DPP6: variants seen among roughly 807,000 people sequenced by gnomAD.
DPP6 encodes the protein dipeptidyl peptidase like 6.
Under a neutral mutation model 122.6 loss-of-function variants are expected in DPP6, and 69 were observed. The ratio of observed to expected loss-of-function variants is 0.56; its 90% CI spans 0.46 to 0.69. The LOEUF (loss-of-function observed/expected upper bound fraction) is 0.69. DPP6 is among the 30% of genes least tolerant of loss of function. The pLI is 0.00. For synonymous variants in DPP6, 418 were observed against 433.1 expected (o/e 0.97, Z 0.43); for missense variants, 928 against 1,116.9 (o/e 0.83, Z 2.41).
At chr7:154,517,352 T>C (rs1826604339) in intron 3 of DPP6, among the ~76,000 whole-genome samples, 1 of 151,998 alleles carries the variant, frequency 6.6e-6, no homozygotes, top group South Asian at 2.1e-4. Flanking sequence ...AAGGAGAAGA[T>C]CCTACAGATG....
chr7:154,562,783 T>A (rs1215356312), intron 4 of DPP6, among the ~76,000 whole-genome samples: 13 of 152,148 alleles, frequency 8.5e-5, no homozygotes, highest in Admixed American at 8.5e-4. Flanking sequence ...ATTTTGCATA[T>A]TAGCAATAAT....
chr7:154,803,300 T>C (rs538383704), intron 13 of DPP6, among the ~76,000 whole-genome samples: 2 of 152,204 alleles, frequency 1.3e-5, no homozygotes, highest in Non-Finnish European at 2.9e-5. Context: ...GTCGTTACCA[T>C]TGTCTGTTAC....
chr7:154,188,194 G>GT (rs1563294422), intron 1 of DPP6, among the ~76,000 whole-genome samples: 1 of 152,146 alleles, frequency 6.6e-6, no homozygotes, highest in East Asian at 1.9e-4. Flanking sequence ...GCTAGAGACT[G>GT]TGAGTGTACT....
chr7:154,524,384 T>C (rs1428439991), intron 3 of DPP6, among the ~76,000 whole-genome samples: 1 of 152,196 alleles, frequency 6.6e-6, no homozygotes, highest in African/African-American at 2.4e-5. Context: ...CAGAGTGCTG[T>C]GTAATAAACA....
At chr7:154,346,934 TC>T (rs1333613199) in intron 1 of DPP6, among the ~76,000 whole-genome samples, 1 of 152,212 alleles carries the variant, frequency 6.6e-6, no homozygotes, top group African/African-American at 2.4e-5. Flanking sequence ...TTTCTATTTT[TC>T]CTTTCATGTA....
At chr7:153,931,090 T>C (rs920263273) in intron 1 of DPP6, among the ~76,000 whole-genome samples, 48 of 152,210 alleles carry the variant, frequency 3.2e-4, no homozygotes, top group Non-Finnish European at 4.4e-5. Flanking sequence ...CACTGGGATG[T>C]ATCTGTCTTT....
chr7:154,893,471 A>AAAAC lies in DPP6; in HGVS notation c.*994_*995insCAAA, dbSNP rs1806805664. 6.8e-6 allele frequency: 1 copy of AAAAC among 146,752 alleles called. No individual in the cohort carries two copies. Among genetic ancestry groups the AAAAC allele is most frequent in the Non-Finnish European group, 1.5e-5 (1 of 65,936 alleles). 9.1% of individuals were successfully genotyped at this position (146,752 alleles called of 1,614,324 possible). A position where few individuals can be genotyped will look rare whatever the true frequency, so the allele number is the denominator to read the frequency against. On this transcript the variant is annotated 3_prime_UTR_variant, in exon 26 of 26. Coordinates refer to ENST00000377770, the MANE Select transcript of DPP6 (RefSeq NM_130797.4). ...TTGGTTTAAAAAAAAAAAAAAAAAAAAAAAAAAAACAGAAAAAAGACAAAG... is the reference window on the plus strand; with the variant it reads ...TTGGTTTAAAAAAAAAAAAAAAAAAAAAACAAAAAAAAACAGAAAAAAGACAAAG...
At chr7:154,186,177 T>C (rs181752366) in intron 1 of DPP6, among the ~76,000 whole-genome samples, 1 of 152,280 alleles carries the variant, frequency 6.6e-6, no homozygotes, top group African/African-American at 2.4e-5. Flanking sequence ...TCACCAAATA[T>C]CTGTGTAGAT....
chr7:154,334,243 A>G (rs1809203944), intron 1 of DPP6, among the ~76,000 whole-genome samples: 1 of 151,870 alleles, frequency 6.6e-6, no homozygotes, highest in African/African-American at 2.4e-5. Flanking sequence ...GCTTTTCCTG[A>G]TCCCTAAGGA....
intron 5 of DPP6, among the ~76,000 whole-genome samples, chr7:154,632,669 G>A (rs77234765): frequency 0.017 from 2,517 of 152,226 alleles, 61 homozygotes; most frequent in African/African-American, 0.057. Flanking sequence ...TGATATTTAG[G>A]TAATTTAGGT....
chr7:154,133,400 C>T (rs1211153887), intron 1 of DPP6, among the ~76,000 whole-genome samples: 1 of 152,070 alleles, frequency 6.6e-6, no homozygotes, highest in East Asian at 1.9e-4. Context: ...GTTCTTTGTT[C>T]ATCCTTTGTT....
chr7:154,514,787 G>T (rs932956545), intron 3 of DPP6, among the ~76,000 whole-genome samples: 5 of 152,088 alleles, frequency 3.3e-5, no homozygotes, highest in African/African-American at 1.2e-4. Context: ...CCATTTATCT[G>T]TCAATAGAAT....
At chr7:153,869,127 T>C in the DPP6 span, among the ~76,000 whole-genome samples, 2 of 152,244 alleles carry the variant, frequency 1.3e-5, no homozygotes. Flanking sequence ...ATGTATATTC[T>C]GTTGATTTGG....
Position 154,457,110 on chromosome 7 carries a change from T to C in DPP6, c.358+10782T>C, listed in dbSNP as rs537185102. 9.6e-5 allele frequency among the ~76,000 whole-genome samples: 7 copies of C among 72,926 alleles called. 3 individuals are homozygous for C. The highest frequency in any genetic ancestry group is 3.1e-4 in the African/African-American group (7 of 22,230). 47.8% of individuals were successfully genotyped at this position (72,926 alleles called of 152,430 possible). A position where few individuals can be genotyped will look rare whatever the true frequency, so the allele number is the denominator to read the frequency against. ...ATACGTCCCATCAATACCTAATTTA[T>C]TGAGAGTTTTTAGCATGAAGGGTTG... On this transcript the variant is annotated intron_variant, in intron 2 of 25. Transcript: ENST00000377770.
intron 3 of DPP6, among the ~76,000 whole-genome samples, chr7:154,524,894 A>G (rs1196815484): frequency 6.6e-6 from 1 of 152,014 alleles, no homozygotes; most frequent in Non-Finnish European, 1.5e-5. Flanking sequence ...GGCCAGTAAG[A>G]TATTTTAGAT....
chr7:154,077,863 G>A (rs1803682327), intron 1 of DPP6, among the ~76,000 whole-genome samples: 1 of 151,832 alleles, frequency 6.6e-6, no homozygotes. Context: ...TAGAGATGGG[G>A]TTTCACCTTG....
chr7:154,165,944 G>T (rs1378651324), intron 1 of DPP6, among the ~76,000 whole-genome samples: 1 of 152,160 alleles, frequency 6.6e-6, no homozygotes, highest in Admixed American at 6.5e-5. Flanking sequence ...AAAACACTCA[G>T]TTTAAAATGA....
intron 7 of DPP6, among the ~76,000 whole-genome samples, chr7:154,712,826 G>T (rs757615778): frequency 2.7e-4 from 41 of 152,150 alleles, no homozygotes; most frequent in Non-Finnish European, 5.0e-4. Flanking sequence ...ATATCATTCT[G>T]CCTCTGGCCC....
Position 154,717,381 on chromosome 7 carries a change from A to AACAC in DPP6, c.763-10369_763-10366dup, listed in dbSNP as rs147112173. Among the ~76,000 whole-genome samples, 505 of 149,444 alleles carry AACAC rather than the reference A, an allele frequency of 3.4e-3. 3 individuals carry two copies. The highest frequency in any genetic ancestry group is 0.011 in the African/African-American group (462 of 40,860). Reference sequence around the variant, plus strand: ...TCTCCCCATTACCCACTTGCACACAAACACACACACACACACACACGCACC... The same window carrying AACAC: ...TCTCCCCATTACCCACTTGCACACAAACACACACACACACACACACACACGCACC... On this transcript the variant is annotated intron_variant, in intron 7 of 25. Coordinates refer to ENST00000377770, the MANE Select transcript of DPP6 (RefSeq NM_130797.4).
Sources: allele counts gnomAD v4.1 joint callset (sites outside exome capture counted in the v4.1 genomes callset), GRCh38; gene constraint gnomAD v4.1.1; transcripts MANE v1.5; gene names NCBI Gene and HGNC (gene_info 2026-07-23, HGNC 2026-07-21).